Variants in ZNF735 observed in about 807,000 individuals in gnomAD.
ZNF735 encodes putative zinc finger protein 735.
Under a neutral mutation model 13.4 loss-of-function variants are expected in ZNF735, and 11 were observed. The ratio of observed to expected loss-of-function variants is 0.82; its 90% CI spans 0.52 to 1.36. The LOEUF is 1.36. ZNF735 is among the 40% of genes most tolerant of loss of function. The probability of loss-of-function intolerance (pLI) is 0.00; values close to 1 mark genes in which losing one functional copy is unlikely to be tolerated. For missense variants in ZNF735, 500 were observed against 484.6 expected (o/e 1.03, Z -0.30); for synonymous variants, 171 against 162.6 (o/e 1.05, Z -0.39).
intron 1 of ZNF735, among the ~76,000 whole-genome samples, chr7:64,212,245 A>C: frequency 6.6e-6 from 1 of 152,200 alleles, no homozygotes; most frequent in African/African-American, 2.4e-5. Context: ...GGTGAGAGAA[A>C]CTGGGGAAAA....
At chr7:64,215,030 A>G (rs1295497741) in intron 3 of ZNF735, among the ~76,000 whole-genome samples, 1 of 151,752 alleles carries the variant, frequency 6.6e-6, no homozygotes, top group Non-Finnish European at 1.5e-5. Flanking sequence ...TCTTTTTATT[A>G]AAATTTAGTT....
At chr7:64,219,876 C>G (rs748139199) in exon 4 of ZNF735, 1 of 1,613,724 alleles carries the variant, frequency 6.2e-7, no homozygotes, top group African/African-American at 1.3e-5. Flanking sequence ...AAGAATGTGG[C>G]CAAGCCTTTA....
chr7:64,208,381 C>T (rs189851648), intron 1 of ZNF735, among the ~76,000 whole-genome samples: 3 of 150,976 alleles, frequency 2.0e-5, no homozygotes, highest in South Asian at 2.1e-4. Context: ...CTCAGCCTCC[C>T]GAGTAGCTGG....
At chr7:64,209,157 A>G (rs1174906902) in intron 1 of ZNF735, among the ~76,000 whole-genome samples, 1 of 151,898 alleles carries the variant, frequency 6.6e-6, no homozygotes, top group East Asian at 1.9e-4. Context: ...CTCAATGGTT[A>G]AACAAATTTA....
chr7:64,208,249 T>TTTTC (rs1562831232), intron 1 of ZNF735, among the ~76,000 whole-genome samples: 1 of 55,934 alleles, frequency 1.8e-5, no homozygotes, highest in African/African-American at 7.2e-5. Flanking sequence ...TAAATGTTTT[T>TTTTC]TTTTTTTTTT....
At chr7:64,210,981 T>C (rs111874118) in intron 1 of ZNF735, among the ~76,000 whole-genome samples, 10,607 of 152,260 alleles carry the variant, frequency 0.07, 446 homozygotes, top group African/African-American at 0.1. Context: ...GTGAGCATGT[T>C]TCAGATCAAG....
chr7:64,214,292 C>T (rs1294397003), intron 3 of ZNF735, among the ~76,000 whole-genome samples, 184 bp downstream of exon 3: 1 of 151,912 alleles, frequency 6.6e-6, no homozygotes, highest in Non-Finnish European at 1.5e-5. Context: ...CCTTCTGCCC[C>T]ATGCTGTTAA....
At chr7:64,220,001 G>T (rs762121895) in exon 4 of ZNF735, 17 of 1,613,134 alleles carry the variant, frequency 1.1e-5, no homozygotes, top group Non-Finnish European at 1.4e-5. Context: ...TACCACAAGA[G>T]AATTCATACT....
exon 4 of ZNF735, chr7:64,219,784 G>A (rs768635926): frequency 2.5e-6 from 4 of 1,611,962 alleles, no homozygotes; most frequent in Non-Finnish European, 3.4e-6. Context: ...CAGATGTGAG[G>A]AATGTGGCAA....
At chr7:64,211,711 C>CA (rs1193885094) in intron 1 of ZNF735, among the ~76,000 whole-genome samples, 1 of 151,398 alleles carries the variant, frequency 6.6e-6, no homozygotes, top group Non-Finnish European at 1.5e-5. Flanking sequence ...TAAAAAAATA[C>CA]AAAAAATAGC....
intron 1 of ZNF735, among the ~76,000 whole-genome samples, chr7:64,208,250 T>TTTTTG (rs1787314975): frequency 1.8e-5 from 1 of 56,514 alleles, no homozygotes; most frequent in African/African-American, 7.1e-5. Context: ...AAATGTTTTT[T>TTTTTG]TTTTTTTTTT....
intron 1 of ZNF735, among the ~76,000 whole-genome samples, chr7:64,207,743 C>G (rs1354280190): frequency 6.6e-6 from 1 of 152,154 alleles, no homozygotes; most frequent in Non-Finnish European, 1.5e-5. Flanking sequence ...AATCCCAGCA[C>G]TTTGGGAGGC....
intron 3 of ZNF735, among the ~76,000 whole-genome samples, chr7:64,217,472 T>C (rs1787436013): frequency 6.6e-6 from 1 of 152,236 alleles, no homozygotes; most frequent in Non-Finnish European, 1.5e-5. Context: ...TTTTCTGTTT[T>C]TTTTAATTGA....
intron 1 of ZNF735, among the ~76,000 whole-genome samples, 176 bp from the exon 2 acceptor site, chr7:64,212,916 C>T (rs1396778926): frequency 1.3e-5 from 2 of 152,094 alleles, no homozygotes; most frequent in Non-Finnish European, 2.9e-5. Flanking sequence ...CTCCTCTTTT[C>T]TCAGAATTAG....
intron 1 of ZNF735, among the ~76,000 whole-genome samples, chr7:64,211,829 A>G (rs1787363207): frequency 6.6e-6 from 1 of 151,120 alleles, no homozygotes. Flanking sequence ...TTGCACCATT[A>G]CACTCTAGCC....
At chr7:64,219,457 G>A (rs541374079) in exon 4 of ZNF735, 1 of 1,613,898 alleles carries the variant, frequency 6.2e-7, no homozygotes, top group African/African-American at 1.3e-5. Context: ...AGATGAGTGT[G>A]AGGTGCACAA....
intron 3 of ZNF735, among the ~76,000 whole-genome samples, chr7:64,216,625 A>G (rs1787425291): frequency 6.6e-6 from 1 of 150,544 alleles, no homozygotes; most frequent in South Asian, 2.1e-4. Context: ...TTTTTTTGAC[A>G]CAGGGTTTCT....
intron 1 of ZNF735, among the ~76,000 whole-genome samples, chr7:64,209,385 C>T (rs369644758): frequency 4.0e-5 from 6 of 148,874 alleles, no homozygotes; most frequent in South Asian, 2.1e-4. Flanking sequence ...GCTTCGCTTT[C>T]GCCCAGGCTG....
intron 1 of ZNF735, among the ~76,000 whole-genome samples, chr7:64,208,192 T>G (rs1787312895): frequency 6.6e-6 from 1 of 150,864 alleles, no homozygotes; most frequent in South Asian, 2.1e-4. Flanking sequence ...ATTGGCAGAT[T>G]GTGGTTGCCT....
Sources: allele counts gnomAD v4.1 joint callset (sites outside exome capture counted in the v4.1 genomes callset), GRCh38; gene constraint gnomAD v4.1.1; transcripts MANE v1.5; gene names NCBI Gene and HGNC (gene_info 2026-07-23, HGNC 2026-07-21).